The following ANKS1A variants were observed in gnomAD, a reference collection of about 807,000 sequenced individuals.
ANKS1A encodes ankyrin repeat and sterile alpha motif domain containing 1A.
A neutral mutation model predicts 120.3 loss-of-function variants in ANKS1A; 55 were observed. The ratio of observed to expected loss-of-function variants is 0.46; its 90% CI spans 0.37 to 0.57. ANKS1A has a LOEUF of 0.57. Among genes scored for constraint, ANKS1A ranks in the 20% least tolerant of loss-of-function variants. ANKS1A has a pLI of 0.00. For synonymous variants in ANKS1A, 590 were observed against 604.7 expected (o/e 0.98, Z 0.36); for missense variants, 1,123 against 1,480.3 (o/e 0.76, Z 3.96).
chr6:35,065,809 G>C (rs1365109377), intron 13 of ANKS1A, among the ~76,000 whole-genome samples: 2 of 152,232 alleles, frequency 1.3e-5, no homozygotes, highest in Non-Finnish European at 2.9e-5. Flanking sequence ...TGAGAAAGGA[G>C]CTGGCAAGGA....
chr6:35,001,985 A>T (rs1773194874), intron 10 of ANKS1A, among the ~76,000 whole-genome samples: 1 of 152,256 alleles, frequency 6.6e-6, no homozygotes, highest in Admixed American at 6.5e-5. Context: ...CAAGAAGCAG[A>T]TAAGCTAACT....
chr6:34,967,205 A>C (rs754737714), intron 1 of ANKS1A, 34 bp from the exon 2 acceptor site: 1 of 1,603,246 alleles, frequency 6.2e-7, no homozygotes, highest in Non-Finnish European at 8.5e-7. Flanking sequence ...GGTCTGTGAA[A>C]TCTATGTCTC....
At chr6:34,935,407 C>T (rs1019647538) in intron 1 of ANKS1A, among the ~76,000 whole-genome samples, 13 of 152,236 alleles carry the variant, frequency 8.5e-5, no homozygotes, top group Admixed American at 4.6e-4. Context: ...TTTTAATGCC[C>T]GTCTTCAGAG....
intron 3 of ANKS1A, among the ~76,000 whole-genome samples, chr6:34,979,186 T>C (rs6906552): frequency 0.13 from 20,264 of 152,128 alleles, 1,480 homozygotes; most frequent in East Asian, 0.35. Context: ...TGAGCCACCG[T>C]GCCCGGCCCC....
chr6:34,891,011 A>G (rs1434419856), intron 1 of ANKS1A, among the ~76,000 whole-genome samples: 1 of 152,252 alleles, frequency 6.6e-6, no homozygotes, highest in Non-Finnish European at 1.5e-5. Flanking sequence ...TATCAGTTGC[A>G]GGACAATAAA....
chr6:35,084,442 C>T lies in ANKS1A; in HGVS notation c.3132+184C>T, dbSNP rs570119019. ...CCCTTTCACAGTGATGAGACTGACG[C>T]GCAGAGGGAACAGGGACTGGCCCAG... On this transcript the variant is annotated intron_variant, in intron 21 of 23. Transcript: ENST00000360359. This position sits in a 1 kb window ranked among gnomAD's most constrained non-coding sequence, Gnocchi z 4.8. 7.4e-4 allele frequency among the ~76,000 whole-genome samples: 112 copies of T among 151,650 alleles called. 1 individual carries two copies. Among genetic ancestry groups the T allele is most frequent in the Middle Eastern group, 7.0e-3 (2 of 284 alleles).
Position 34,980,161 on chromosome 6 carries a change from T to C in ANKS1A, c.436-1529T>C, listed in dbSNP as rs537657156. 7.2e-5 allele frequency among the ~76,000 whole-genome samples: 11 copies of C among 152,364 alleles called. 1 individual carries two copies. In the East Asian group the frequency reaches 2.1e-3, roughly 29 times the overall value. On this transcript the variant is annotated intron_variant, in intron 3 of 23. Transcript: ENST00000360359. ...ATTTGCCCCTCAGGGCCCAGTCATA[T>C]CATAGGAGGCCATGGCTGGCAGGCC...
At position 35,050,305 on chromosome 6, in the gene ANKS1A, A is replaced by G. The variant is rs1302373317; in HGVS notation, c.2011-3794A>G. ...ATGGTGATAACTTTCAAGTCCTTAT[A>G]TTAACAAACACGAGTATAAGTTTTC... On this transcript the variant is annotated intron_variant, in intron 11 of 23. Coordinates refer to ENST00000360359, the MANE Select transcript of ANKS1A (RefSeq NM_015245.3). The surrounding 1 kb of genome is among the most constrained non-coding windows in gnomAD (Gnocchi z 4.3). Among the ~76,000 whole-genome samples the G allele has an allele frequency of 1.3e-5, 2 of 152,234 alleles. No homozygotes were observed. The highest frequency in any genetic ancestry group is 2.1e-4 in the South Asian group (1 of 4,834).
At chr6:34,970,212 G>T (rs1306779672) in intron 3 of ANKS1A, 46 bp downstream of exon 3, 7 of 1,567,282 alleles carry the variant, frequency 4.5e-6, no homozygotes, top group East Asian at 4.6e-5. Context: ...GCTATAGCCA[G>T]ATGTGGCAAC....
rs538956144 is a variant in ANKS1A, at chr6:35,083,974, C to A, written c.2995-147C>A. On this transcript the variant is annotated intron_variant, in intron 20 of 23. Coordinates refer to ENST00000360359, the MANE Select transcript of ANKS1A (RefSeq NM_015245.3). ...CCAAAATCGGGGACCCCCACCCCCA[C>A]CAATAAACAAAATGAGAAGATGAAG... The A allele has an allele frequency of 1.3e-4, 169 of 1,300,994 alleles. 2 individuals carry two copies. The South Asian group carries it at 2.3e-3, about 18-fold the overall frequency. The allele number at this position is 1,300,994 out of a possible 1,614,324, so 80.6% of individuals were successfully genotyped here. A position where few individuals can be genotyped will look rare whatever the true frequency, so the allele number is the denominator to read the frequency against.
In ANKS1A at chr6:34,975,480, A is replaced by G. The variant is rs115512477; in HGVS notation, c.435+5314A>G. 7.3e-3 allele frequency among the ~76,000 whole-genome samples: 1,100 copies of G among 151,508 alleles called. 21 individuals carry two copies. The highest frequency in any genetic ancestry group is 0.025 in the African/African-American group (1,045 of 41,350). ...AAAAACAACAAAAAAAAGGAAAGCT[A>G]GCCAGTGTAGTGGCTCACATTTGTA... is the stretch of plus-strand genomic sequence containing the variant. On this transcript the variant is annotated intron_variant, in intron 3 of 23. Transcript: ENST00000360359.
At position 35,085,485 on chromosome 6, in the gene ANKS1A, T is replaced by C. The variant is rs1747516; in HGVS notation, c.3133-281T>C. On this transcript the variant is annotated intron_variant, in intron 21 of 23. Transcript: ENST00000360359. This position sits in a 1 kb window ranked among gnomAD's most constrained non-coding sequence, Gnocchi z 4.7. ...ATGGTAAGAAATACCCAAGTACTGC[T>C]GCAGGCACGGCACCCTGCCTTGGAA... Among the ~76,000 whole-genome samples, 28,184 of 152,178 alleles carry C rather than the reference T, an allele frequency of 0.19. 3,316 individuals are homozygous for C. The highest frequency in any genetic ancestry group is 0.31 in the African/African-American group (12,836 of 41,470).
intron 3 of ANKS1A, among the ~76,000 whole-genome samples, chr6:34,979,002 TC>T (rs1487701762): frequency 6.6e-6 from 1 of 151,388 alleles, no homozygotes; most frequent in Non-Finnish European, 1.5e-5. Flanking sequence ...TTCACGCCAT[TC>T]TCTTGCCTCA....
chr6:35,078,738 A>C, intron 14 of ANKS1A, 82 bp downstream of exon 14: 3 of 1,348,482 alleles, frequency 2.2e-6, no homozygotes, highest in Middle Eastern at 2.0e-4. Context: ...AGAACAGGGG[A>C]GGAGCAGGGC....
At chr6:35,053,533 C>T (rs1776064371) in intron 11 of ANKS1A, among the ~76,000 whole-genome samples, 1 of 152,258 alleles carries the variant, frequency 6.6e-6, no homozygotes, top group African/African-American at 2.4e-5. Flanking sequence ...GGCCTAAGTG[C>T]CTGCCTCACC....
chr6:34,903,957 T>A (rs1767505852), intron 1 of ANKS1A, among the ~76,000 whole-genome samples: 1 of 152,212 alleles, frequency 6.6e-6, no homozygotes, highest in South Asian at 2.1e-4. Flanking sequence ...CCCAAGGTGC[T>A]GGGATTACAG....
intron 10 of ANKS1A, among the ~76,000 whole-genome samples, chr6:34,997,941 A>G (rs185617732): frequency 1.5e-4 from 23 of 152,296 alleles, no homozygotes; most frequent in Admixed American, 8.5e-4. Context: ...ATTCTGCAAT[A>G]TTGGGCTAAG....
intron 11 of ANKS1A, among the ~76,000 whole-genome samples, chr6:35,034,676 C>T (rs905506444): frequency 6.6e-6 from 1 of 152,176 alleles, no homozygotes; most frequent in African/African-American, 2.4e-5. Context: ...GCATCATTTG[C>T]TAAATTTTAT....
Position 35,079,880 on chromosome 6 carries a change from A to C in ANKS1A, c.2496A>C (p.Arg832Ser). 6.4e-7 allele frequency: 1 copy of C among 1,564,520 alleles called. No individual in the cohort carries two copies. Among genetic ancestry groups the C allele is most frequent in the Non-Finnish European group, 8.7e-7 (1 of 1,154,412 alleles). Residue 832 changes from arginine (R) to serine (S), a missense_variant, in exon 16 of 24, where the codon AGA becomes AGC. This residue lies in a region of ANKS1A where 904 missense variants were observed against 1,130.4 expected (regional missense o/e 0.80). Transcript: ENST00000360359. ...GCATCATCGCCTCCCTCGCAGACAGACCGTACGAGGAGCCGCCCCAGAAGC... is the reference window on the plus strand; with the variant it reads ...GCATCATCGCCTCCCTCGCAGACAGCCCGTACGAGGAGCCGCCCCAGAAGC... ...RKRIIASLAD[R>S]PYEEPPQKPP...
Sources: allele counts gnomAD v4.1 joint callset (sites outside exome capture counted in the v4.1 genomes callset), GRCh38; gene constraint gnomAD v4.1.1; regional missense constraint gnomAD v4.1.1; non-coding constraint Gnocchi (gnomAD v3.1); transcripts MANE v1.5; gene names NCBI Gene and HGNC (gene_info 2026-07-23, HGNC 2026-07-21).